LRBA: variants seen among roughly 807,000 people sequenced by gnomAD.
LRBA encodes the protein lipopolysaccharide-responsive and beige-like anchor protein.
A neutral mutation model predicts 330.0 loss-of-function variants in LRBA; 176 were observed. The ratio of observed to expected loss-of-function variants is 0.53; its 90% CI spans 0.47 to 0.60. The LOEUF is 0.60. Among genes scored for constraint, LRBA ranks in the 20% least tolerant of loss-of-function variants. The pLI is 0.00. For missense variants in LRBA, 3,259 were observed against 3,444.8 expected (o/e 0.95, Z 1.35); for synonymous variants, 1,230 against 1,193.0 (o/e 1.03, Z -0.64).
At chr4:150,413,061 AC>A (rs1747240303) in intron 47 of LRBA, among the ~76,000 whole-genome samples, 1 of 151,904 alleles carries the variant, frequency 6.6e-6, no homozygotes, top group Non-Finnish European at 1.5e-5. Flanking sequence ...TTGAATGGAT[AC>A]TTCACCAAAG....
intron 2 of LRBA, among the ~76,000 whole-genome samples, chr4:150,950,347 TTA>T (rs1736695114): frequency 6.6e-6 from 1 of 152,006 alleles, no homozygotes; most frequent in Non-Finnish European, 1.5e-5. Context: ...CAATTTGAGT[TTA>T]TGTTTATAAG....
chr4:150,272,460 GA>G (rs371236279), intron 56 of LRBA, among the ~76,000 whole-genome samples: 10 of 151,786 alleles, frequency 6.6e-5, no homozygotes, highest in African/African-American at 2.4e-4. Context: ...GAACAAAGCT[GA>G]ACAGTTTGAG....
chr4:150,414,007 A>T (rs1181838301), intron 47 of LRBA, among the ~76,000 whole-genome samples: 1 of 152,194 alleles, frequency 6.6e-6, no homozygotes, highest in Non-Finnish European at 1.5e-5. Context: ...TTCTTGGGGT[A>T]AAAGTAAAAT....
rs1318348494 is a variant in LRBA, at chr4:150,467,792, G to C, written c.6668-7C>G. On this transcript the variant is annotated splice_region_variant and splice_polypyrimidine_tract_variant and intron_variant, in intron 43 of 56. Coordinates refer to ENST00000651943, the MANE Select transcript of LRBA (RefSeq NM_001364905.1). ...AAGTCATTATAACTCCGTCCTGATA[G>C]GGAAAAAAGTTACTCGTAATTTATA... The C allele has an allele frequency of 7.8e-7, 1 of 1,288,114 alleles. No homozygotes were observed. The highest frequency in any genetic ancestry group is 1.3e-5 in the South Asian group (1 of 75,220). 79.8% of individuals were successfully genotyped at this position (1,288,114 alleles called of 1,614,324 possible).
chr4:150,403,193 CA>C (rs1422850082), intron 47 of LRBA, among the ~76,000 whole-genome samples: 1 of 152,198 alleles, frequency 6.6e-6, no homozygotes, highest in Non-Finnish European at 1.5e-5. Context: ...GAAACACAGG[CA>C]GGGGAGGGGT....
At chr4:150,672,036 T>C (rs1782107423) in intron 37 of LRBA, among the ~76,000 whole-genome samples, 1 of 152,194 alleles carries the variant, frequency 6.6e-6, no homozygotes. Flanking sequence ...TAAAGTACCT[T>C]TCTAACATCA....
At chr4:150,505,766 C>G (rs369279464) in intron 40 of LRBA, among the ~76,000 whole-genome samples, 2 of 152,006 alleles carry the variant, frequency 1.3e-5, no homozygotes, top group African/African-American at 4.8e-5. Context: ...CACAAAAAAC[C>G]CTTCAAAAAA....
Position 150,315,573 on chromosome 4 carries a change from C to T in LRBA, c.7681G>A (p.Asp2561Asn), listed in dbSNP as rs1731618526. Residue 2561 changes from aspartate (D) to asparagine (N), a missense_variant, in exon 51 of 57, where the codon GAT becomes AAT. Asp to Asn is a conservative substitution (Grantham distance 23). Coordinates refer to ENST00000651943, the MANE Select transcript of LRBA (RefSeq NM_001364905.1). The part of the protein sequence containing the change: ...DQPYQLPVEI[D>N]PLIASNTGMH... Reference sequence around the variant, plus strand: ...GGAAGTGACAGACCTATGAGAGGATCGATTTCCACTGGCAGCTGGTATGGC... The same window carrying T: ...GGAAGTGACAGACCTATGAGAGGATTGATTTCCACTGGCAGCTGGTATGGC... The T allele has an allele frequency of 1.2e-6, 2 of 1,612,080 alleles. No homozygotes were observed. Among genetic ancestry groups the T allele is most frequent in the Non-Finnish European group, 1.7e-6 (2 of 1,178,774 alleles).
chr4:150,316,465 G>A (rs1160314981), intron 50 of LRBA, among the ~76,000 whole-genome samples: 2 of 152,138 alleles, frequency 1.3e-5, no homozygotes, highest in African/African-American at 4.8e-5. Flanking sequence ...ATGCAACCTT[G>A]TGCAAATCAT....
At chr4:150,685,583 G>A (rs140120826) in intron 36 of LRBA, among the ~76,000 whole-genome samples, 13,130 of 149,250 alleles carry the variant, frequency 0.088, 1,001 homozygotes, top group African/African-American at 0.22. Context: ...ACAGGTGCAC[G>A]CCACCACACC....
intron 2 of LRBA, among the ~76,000 whole-genome samples, chr4:151,007,092 T>C (rs1020827823): frequency 2.0e-5 from 3 of 152,230 alleles, no homozygotes; most frequent in East Asian, 1.9e-4. Context: ...GGTTTAAGAA[T>C]AGACACATAG....
chr4:150,762,003 C>T (rs765093814), intron 34 of LRBA, among the ~76,000 whole-genome samples, 156 bp from the exon 35 acceptor site: 34 of 151,834 alleles, frequency 2.2e-4, no homozygotes, highest in Admixed American at 1.2e-3. Context: ...GAAAAGTATA[C>T]TGACACTAAA....
intron 2 of LRBA, among the ~76,000 whole-genome samples, chr4:150,963,874 G>A (rs1378168594): frequency 1.4e-5 from 2 of 148,042 alleles, no homozygotes; most frequent in African/African-American, 2.6e-5. Context: ...CTGCCTGGCC[G>A]CCCATCATCT....
intron 20 of LRBA, 24 bp from the exon 21 acceptor site, chr4:150,868,329 T>C (rs1167531697): frequency 1.3e-6 from 2 of 1,539,934 alleles, no homozygotes; most frequent in Non-Finnish European, 1.8e-6. Context: ...TATAAATAAG[T>C]AAAAACCAAA....
intron 40 of LRBA, among the ~76,000 whole-genome samples, chr4:150,584,920 T>C (rs1345306806): frequency 6.6e-6 from 1 of 152,242 alleles, no homozygotes; most frequent in Non-Finnish European, 1.5e-5. Flanking sequence ...ATTTGTTCTG[T>C]AGATGTTAAG....
intron 48 of LRBA, among the ~76,000 whole-genome samples, chr4:150,331,196 T>C (rs1417696255): frequency 6.6e-6 from 1 of 152,190 alleles, no homozygotes; most frequent in Non-Finnish European, 1.5e-5. Context: ...CAAGTGATTA[T>C]GTTTCTTGCC....
At position 150,686,945 on chromosome 4, in the gene LRBA, A is replaced by G. The variant is rs181859487; in HGVS notation, c.5755-3228T>C. ...GGTAAGCTAAACGGTAAAATGGTTTAAAGTGTTCTTTAATGGATCCTTCTT... is the reference window on the plus strand; with the variant it reads ...GGTAAGCTAAACGGTAAAATGGTTTGAAGTGTTCTTTAATGGATCCTTCTT... On this transcript the variant is annotated intron_variant, in intron 36 of 56. Coordinates refer to ENST00000651943, the MANE Select transcript of LRBA (RefSeq NM_001364905.1). Among the ~76,000 whole-genome samples, 1,211 of 152,248 alleles carry G rather than the reference A, an allele frequency of 8.0e-3. 10 individuals carry two copies. The highest frequency in any genetic ancestry group is 0.014 in the Middle Eastern group (4 of 294).
At chr4:150,557,110 C>T (rs754535663) in intron 40 of LRBA, among the ~76,000 whole-genome samples, 22 of 152,056 alleles carry the variant, frequency 1.4e-4, no homozygotes, top group Non-Finnish European at 2.8e-4. Flanking sequence ...GAGCCTTGAG[C>T]CTCTTGCCAT....
intron 22 of LRBA, among the ~76,000 whole-genome samples, chr4:150,860,476 C>T (rs551070841): frequency 8.5e-5 from 13 of 152,196 alleles, no homozygotes; most frequent in African/African-American, 2.9e-4. Flanking sequence ...CTCCTTAAAG[C>T]AACTATTTTC....
Sources: gnomAD v4.1 joint callset for allele counts (sites outside exome capture counted in the v4.1 genomes callset) on GRCh38, gnomAD v4.1.1 for gene constraint, MANE v1.5 for transcripts, NCBI Gene and HGNC (gene_info 2026-07-23, HGNC 2026-07-21) for gene names.